IL12RB1: variants seen among roughly 807,000 people sequenced by gnomAD.
IL12RB1 encodes the protein interleukin-12 receptor subunit beta-1.
Under a neutral mutation model 94.4 loss-of-function variants are expected in IL12RB1, and 64 were observed. That is an observed-to-expected ratio of 0.68 (90% CI 0.55 to 0.83). IL12RB1 has a LOEUF of 0.83. IL12RB1 is among the 40% of genes least tolerant of loss of function. IL12RB1 has a pLI of 0.00. For missense variants in IL12RB1, 814 were observed against 855.6 expected (o/e 0.95, Z 0.61); for synonymous variants, 362 against 355.5 (o/e 1.02, Z -0.21).
intron 7 of IL12RB1, among the ~76,000 whole-genome samples, chr19:18,074,145 A>G (rs2035277293): frequency 6.6e-6 from 1 of 151,800 alleles, no homozygotes; most frequent in African/African-American, 2.4e-5. Flanking sequence ...TTTGAATGCA[A>G]ATGTATTTCT....
intron 8 of IL12RB1, among the ~76,000 whole-genome samples, chr19:18,072,872 G>A (rs891383470): frequency 2.7e-5 from 4 of 150,900 alleles, no homozygotes; most frequent in African/African-American, 7.3e-5. Flanking sequence ...GCGTGAACCC[G>A]GGAGGCGGAG....
intron 15 of IL12RB1, among the ~76,000 whole-genome samples, 179 bp downstream of exon 15, chr19:18,060,943 T>C (rs2034078544): frequency 6.6e-6 from 1 of 152,172 alleles, no homozygotes; most frequent in Non-Finnish European, 1.5e-5. Flanking sequence ...TGAATTCTGT[T>C]TCTAGTGCCA....
At chr19:18,068,129 G>A (rs148549363) in intron 11 of IL12RB1, among the ~76,000 whole-genome samples, 68 of 142,480 alleles carry the variant, frequency 4.8e-4, no homozygotes, top group African/African-American at 1.6e-3. Context: ...GGGTTCAAGC[G>A]ATTCTCCTGC....
chr19:18,073,960 G>A (rs544690342), intron 7 of IL12RB1, among the ~76,000 whole-genome samples: 3 of 152,276 alleles, frequency 2.0e-5, no homozygotes, highest in African/African-American at 7.2e-5. Context: ...AAGTAGCTGG[G>A]ATTACAGGCA....
In IL12RB1 at chr19:18,076,300, T is replaced by C; in HGVS notation, c.577A>G (p.Thr193Ala). Residue 193 changes from threonine (T) to alanine (A), a missense_variant, in exon 6 of 17, where the codon ACT becomes GCT. By Grantham distance (58) the Thr-to-Ala change is moderately conservative. Coordinates refer to ENST00000593993, the MANE Select transcript of IL12RB1 (RefSeq NM_005535.3). ...LGDCGPQDDD[T>A]ESCLCPLEMN... is the part of the protein sequence containing the mutation. ...TCATTACTATTATTATTCTCACCAG[T>C]ATCATCATCCTGAGGTCCGCAGTCG... The C allele has an allele frequency of 7.1e-7, 1 of 1,406,954 alleles. No individual in the cohort carries two copies. Among genetic ancestry groups the C allele is most frequent in the Non-Finnish European group, 1.0e-6 (1 of 990,592 alleles). The allele number at this position is 1,406,954 out of a possible 1,614,324, so 87.2% of individuals were successfully genotyped here.
In IL12RB1 at chr19:18,083,354, C is replaced by T. The variant is rs572684811; in HGVS notation, c.124+78G>A. On this transcript the variant is annotated intron_variant, in intron 2 of 16. Coordinates refer to ENST00000593993, the MANE Select transcript of IL12RB1 (RefSeq NM_005535.3). ...GGGTCTTTGGCCTGGTGGTGGAGGCCATGGGAGGGGCCGCTGTGGATGGGG... is the reference window on the plus strand; with the variant it reads ...GGGTCTTTGGCCTGGTGGTGGAGGCTATGGGAGGGGCCGCTGTGGATGGGG... 160 of 1,361,366 alleles carry T rather than the reference C, an allele frequency of 1.2e-4. 2 individuals carry two copies. In the African/African-American group the frequency reaches 2.0e-3, roughly 17 times the overall value. 84.3% of individuals were successfully genotyped at this position (1,361,366 alleles called of 1,614,324 possible).
At chr19:18,074,866 A>G (rs1382065130) in intron 7 of IL12RB1, among the ~76,000 whole-genome samples, 1 of 152,062 alleles carries the variant, frequency 6.6e-6, no homozygotes, top group Non-Finnish European at 1.5e-5. Flanking sequence ...CCTGGCTAAC[A>G]TGGTGAAACC....
intron 9 of IL12RB1, 32 bp downstream of exon 9, chr19:18,072,080 C>T (rs2035097561): frequency 2.1e-6 from 3 of 1,452,360 alleles, no homozygotes; most frequent in Non-Finnish European, 2.9e-6. Context: ...CTGAGGGGCC[C>T]TCATACCGCC....
In IL12RB1 at chr19:18,083,366, C is replaced by T. The variant is rs147049647; in HGVS notation, c.124+66G>A. The T allele has an allele frequency of 5.1e-4, 748 of 1,480,576 alleles. 4 individuals are homozygous for T. In the African/African-American group the frequency reaches 7.4e-3, roughly 15 times the overall value. The allele number at this position is 1,480,576 out of a possible 1,614,324, so 91.7% of individuals were successfully genotyped here. A position where few individuals can be genotyped will look rare whatever the true frequency, so the allele number is the denominator to read the frequency against. ...TGGTGGTGGAGGCCATGGGAGGGGC[C>T]GCTGTGGATGGGGTCAGGCAGAGCC... On this transcript the variant is annotated intron_variant, in intron 2 of 16. Coordinates refer to ENST00000593993, the MANE Select transcript of IL12RB1 (RefSeq NM_005535.3).
Position 18,092,430 on chromosome 19 carries a change from C to T in IL12RB1, c.-229-1661G>A, listed in dbSNP as rs141687313. ...ACTTGAACCTGGTAAGCGGGGTTTG[C>T]GGTGAGCCAAGATCGTGCCATTGCA... is the stretch of plus-strand genomic sequence containing the variant. On this transcript the variant is annotated intron_variant, in intron 1 of 4. Transcript: ENST00000594176. Among the ~76,000 whole-genome samples, 52 of 151,766 alleles carry T rather than the reference C, an allele frequency of 3.4e-4. 1 individual carries two copies. The East Asian group carries it at 0.01, about 29-fold the overall frequency.
At position 18,069,598 on chromosome 19, in the gene IL12RB1, G is replaced by T. The variant is rs141203967; in HGVS notation, c.1137C>A (p.Gly379=). ...GCGCAGTCAGGCTGCAGGTGGCAAG[G>T]CCCCCGTCCTGGCCCACAGGCTGCC... The part of the protein sequence containing the change: ...IEWQPVGQDG[G]LATCSLTAPQ... The change falls in exon 10 of 17, where the codon GGC becomes GGA. Residue 379 remains glycine (G), a synonymous_variant. Transcript: ENST00000593993. 2 of 1,612,612 alleles carry T rather than the reference G, an allele frequency of 1.2e-6. No homozygotes were observed. The highest frequency in any genetic ancestry group is 3.3e-5 in the Admixed American group (2 of 60,000).
chr19:18,085,783 A>T (rs1599574321), intron 1 of IL12RB1, among the ~76,000 whole-genome samples: 1 of 151,878 alleles, frequency 6.6e-6, no homozygotes, highest in Non-Finnish European at 1.5e-5. Flanking sequence ...TAATTTTTGC[A>T]TTTTTAGTAG....
At position 18,059,930 on chromosome 19, in the gene IL12RB1, C is replaced by T; in HGVS notation, c.1947G>A (p.Glu649=). Residue 649 remains glutamate, a synonymous_variant, in exon 16 of 17, where the codon GAG becomes GAA. Coordinates refer to ENST00000593993, the MANE Select transcript of IL12RB1 (RefSeq NM_005535.3). ...ACCTGTCTCCATCCTCCAAGGACAA[C>T]TCTGTATCCAGGGCCAGCTCAGGGG... ...EGAPELALDT[E]LSLEDGDRCK... The T allele has an allele frequency of 6.3e-7, 1 of 1,592,572 alleles. No individual in the cohort carries two copies. Among genetic ancestry groups the T allele is most frequent in the South Asian group, 1.1e-5 (1 of 87,840 alleles).
At chr19:18,077,952 C>T (rs1176003011) in intron 4 of IL12RB1, among the ~76,000 whole-genome samples, 2 of 152,066 alleles carry the variant, frequency 1.3e-5, no homozygotes, top group African/African-American at 4.8e-5. Context: ...CTCATCTCTA[C>T]ATAAAAATTA....
intron 3 of IL12RB1, among the ~76,000 whole-genome samples, chr19:18,081,495 TC>T (rs1381789592): frequency 6.6e-6 from 1 of 151,082 alleles, no homozygotes; most frequent in African/African-American, 2.4e-5. Flanking sequence ...CCCCAGTATC[TC>T]CCAGCAAGGA....
rs201223132 is a variant in IL12RB1 at position 18,072,300 on chromosome 19, G to A, written c.833C>T (p.Thr278Met). The A allele has an allele frequency of 1.5e-4, 243 of 1,614,022 alleles. 2 individuals carry two copies. Among genetic ancestry groups the A allele is most frequent in the Middle Eastern group, 8.2e-4 (5 of 6,062 alleles). ...PEGCQGLAPG[T>M]EVTYRLQLHM... ...GAGCTGTAGTCGGTAAGTGACCTCCGTGCCAGGCGCCAGCCCTTGACAGCC... is the reference window on the plus strand; with the variant it reads ...GAGCTGTAGTCGGTAAGTGACCTCCATGCCAGGCGCCAGCCCTTGACAGCC... Residue 278 changes from threonine to methionine, a missense_variant, in exon 9 of 17, where the codon ACG becomes ATG. Thr to Met is a moderately conservative substitution (Grantham distance 81). Transcript: ENST00000593993.
intron 1 of IL12RB1, among the ~76,000 whole-genome samples, chr19:18,084,689 CCATCCATCCATA>C (rs1435162457): frequency 2.4e-5 from 3 of 125,264 alleles, no homozygotes; most frequent in African/African-American, 1.1e-4. Context: ...ATCCATCCAT[CCATCCATCCATA>C]CATACATACA....
At chr19:18,069,298 T>C (rs2034832013) in intron 10 of IL12RB1, among the ~76,000 whole-genome samples, 1 of 152,236 alleles carries the variant, frequency 6.6e-6, no homozygotes, top group African/African-American at 2.4e-5. Flanking sequence ...GGATGTGAGA[T>C]TCATTACCTG....
chr19:18,086,714 C>T, intron 1 of IL12RB1, 46 bp downstream of exon 1: 1 of 1,572,246 alleles, frequency 6.4e-7, no homozygotes, highest in Non-Finnish European at 8.6e-7. Context: ...ATACACGTGC[C>T]TCCACCCAGC....
Sources: gnomAD v4.1 joint callset for allele counts (sites outside exome capture counted in the v4.1 genomes callset) on GRCh38, gnomAD v4.1.1 for gene constraint, MANE v1.5 for transcripts, NCBI Gene and HGNC (gene_info 2026-07-23, HGNC 2026-07-21) for gene names.